Variants in MEI4 observed in about 807,000 individuals in gnomAD.
The protein encoded by MEI4 is meiotic double-stranded break formation protein 4, also known as meiosis-specific protein MEI4.
Under a neutral mutation model 31.4 loss-of-function variants are expected in MEI4, and 27 were observed. That is an observed-to-expected ratio of 0.86 (90% CI 0.63 to 1.19). The LOEUF (loss-of-function observed/expected upper bound fraction) is 1.19. Among genes scored for constraint, MEI4 ranks in the 50% most tolerant of loss-of-function variants. The pLI is 0.00. For synonymous variants in MEI4, 122 were observed against 145.4 expected (o/e 0.84, Z 1.16); for missense variants, 329 against 398.9 (o/e 0.82, Z 1.49).
chr6:77,663,408 G>A (rs1206303244), intron 1 of MEI4, among the ~76,000 whole-genome samples: 1 of 151,962 alleles, frequency 6.6e-6, no homozygotes, highest in African/African-American at 2.4e-5. Context: ...GTTAAGGTGG[G>A]GGGATACAAG....
intron 2 of MEI4, among the ~76,000 whole-genome samples, chr6:77,742,903 A>T (rs866894932): frequency 2.6e-4 from 40 of 152,044 alleles, no homozygotes; most frequent in Admixed American, 1.3e-4. Flanking sequence ...CTTGTTTTTC[A>T]CAGGTTTGTC....
intron 4 of MEI4, among the ~76,000 whole-genome samples, chr6:77,866,998 G>T (rs1204047823): frequency 6.6e-6 from 1 of 152,182 alleles, no homozygotes; most frequent in Non-Finnish European, 1.5e-5. Flanking sequence ...AATATATGAT[G>T]CTGGGAACAC....
At chr6:77,802,904 A>G (rs1428874976) in intron 3 of MEI4, among the ~76,000 whole-genome samples, 1 of 151,780 alleles carries the variant, frequency 6.6e-6, no homozygotes, top group Non-Finnish European at 1.5e-5. Flanking sequence ...TGCCCTTAAC[A>G]TTTTTTCCTT....
intron 1 of MEI4, among the ~76,000 whole-genome samples, chr6:77,656,830 C>G (rs1768406557): frequency 6.6e-6 from 1 of 150,642 alleles, no homozygotes; most frequent in South Asian, 2.1e-4. Flanking sequence ...ATCCATCATC[C>G]ATCATTTATT....
At position 77,785,697 on chromosome 6, in the gene MEI4, G is replaced by A. The variant is rs72898570; in HGVS notation, c.768+24032G>A. Among the ~76,000 whole-genome samples the A allele has an allele frequency of 3.0e-3, 459 of 152,218 alleles. 2 individuals carry two copies. The highest frequency in any genetic ancestry group is 6.8e-3 in the Middle Eastern group (2 of 294). Reference sequence around the variant, plus strand: ...GAGAGAAATTACTAGTATTTAATTCGGAAAGAGTGGAGATGAGTAGAGATT... The same window carrying A: ...GAGAGAAATTACTAGTATTTAATTCAGAAAGAGTGGAGATGAGTAGAGATT... On this transcript the variant is annotated intron_variant, in intron 3 of 4. Coordinates refer to ENST00000684080, the MANE Select transcript of MEI4 (RefSeq NM_001322247.2).
intron 1 of MEI4, among the ~76,000 whole-genome samples, chr6:77,656,101 A>C (rs1229076813): frequency 6.6e-6 from 1 of 152,082 alleles, no homozygotes; most frequent in African/African-American, 2.4e-5. Flanking sequence ...GATTGCTTTC[A>C]CCATGGCAGA....
intron 4 of MEI4, among the ~76,000 whole-genome samples, chr6:77,874,804 T>G (rs1383403193): frequency 6.6e-6 from 1 of 152,194 alleles, no homozygotes; most frequent in Non-Finnish European, 1.5e-5. Context: ...TGTTGAGAGT[T>G]TTTAGCATGA....
At chr6:77,730,394 C>T (rs1419968461) in intron 2 of MEI4, among the ~76,000 whole-genome samples, 1 of 152,026 alleles carries the variant, frequency 6.6e-6, no homozygotes, top group African/African-American at 2.4e-5. Context: ...CGCCTTCTCT[C>T]ATCCTGACAC....
rs185451751 is a variant in MEI4, at chr6:77,786,889, A to G, written c.768+25224A>G. On this transcript the variant is annotated intron_variant, in intron 3 of 4. Transcript: ENST00000684080. ...TTAACAAAGGAAGTAAAATAATTAA[A>G]TGGATAACTACATCATGTTGATGAA... 2.2e-4 allele frequency among the ~76,000 whole-genome samples: 33 copies of G among 152,334 alleles called. No homozygotes were observed. The East Asian group carries it at 6.4e-3, about 29-fold the overall frequency.
At chr6:77,736,826 A>C (rs544973101) in intron 2 of MEI4, among the ~76,000 whole-genome samples, 1 of 151,314 alleles carries the variant, frequency 6.6e-6, no homozygotes, top group Non-Finnish European at 1.5e-5. Flanking sequence ...TTCAGAGGAG[A>C]GAAAGTGATT....
Position 77,847,521 on chromosome 6 carries a change from CT to C in MEI4, c.900+18462del, listed in dbSNP as rs1316698210. 1.3e-5 allele frequency among the ~76,000 whole-genome samples: 2 copies of C among 152,022 alleles called. No homozygotes were observed. Among genetic ancestry groups the C allele is most frequent in the African/African-American group, 4.8e-5 (2 of 41,392 alleles). On this transcript the variant is annotated intron_variant, in intron 4 of 4. Coordinates refer to ENST00000684080, the MANE Select transcript of MEI4 (RefSeq NM_001322247.2). This position sits in a 1 kb window ranked among gnomAD's most constrained non-coding sequence, Gnocchi z 4.6. ...TATCAAATGCATTTCAATAATATAC[CT>C]TTACTGATTGTTTTTCTCTTGTTTC...
At chr6:77,699,384 G>A (rs1766150687) in intron 2 of MEI4, among the ~76,000 whole-genome samples, 1 of 151,400 alleles carries the variant, frequency 6.6e-6, no homozygotes, top group Non-Finnish European at 1.5e-5. Context: ...AGTAGAGATG[G>A]GGTTTCACCG....
intron 1 of MEI4, among the ~76,000 whole-genome samples, chr6:77,677,467 T>C (rs1198406796): frequency 5.3e-5 from 8 of 152,190 alleles, no homozygotes; most frequent in African/African-American, 1.7e-4. Flanking sequence ...TCTTGATATC[T>C]TTTCTTCCCT....
intron 4 of MEI4, among the ~76,000 whole-genome samples, chr6:77,856,199 G>C (rs77212104): frequency 1.3e-5 from 2 of 151,754 alleles, no homozygotes; most frequent in South Asian, 2.1e-4. Context: ...GAACCGGCCC[G>C]TCTGCCTTTT....
At chr6:77,775,127 A>G (rs1768407341) in intron 3 of MEI4, among the ~76,000 whole-genome samples, 3 of 136,300 alleles carry the variant, frequency 2.2e-5, no homozygotes, top group African/African-American at 1.0e-4. Context: ...CTCCTGGACA[A>G]TTCAGGATTA....
At chr6:77,803,719 G>T (rs990859951) in intron 3 of MEI4, among the ~76,000 whole-genome samples, 2 of 152,178 alleles carry the variant, frequency 1.3e-5, no homozygotes, top group African/African-American at 4.8e-5. Context: ...AGGTCTGTTG[G>T]AGTTTGCTGG....
At position 77,829,053 on chromosome 6, in the gene MEI4, CATCA is replaced by C. The variant is rs1770020139; in HGVS notation, c.896_899del (p.Asn299ArgfsTer37). On this transcript the variant is annotated frameshift_variant, in exon 4 of 5. Coordinates refer to ENST00000684080, the MANE Select transcript of MEI4 (RefSeq NM_001322247.2). LOFTEE classifies it high-confidence loss of function. ...ATGGCTTTGCTGATGATCTGGGAGC[CATCA>C]ATCAGGTACACATAACTTGAAACTG... 1 of 1,231,644 alleles carries C rather than the reference CATCA, an allele frequency of 8.1e-7. No homozygotes were observed. The allele number at this position is 1,231,644 out of a possible 1,614,324, so 76.3% of individuals were successfully genotyped here. A position where few individuals can be genotyped will look rare whatever the true frequency, so the allele number is the denominator to read the frequency against.
intron 2 of MEI4, among the ~76,000 whole-genome samples, chr6:77,730,505 T>C (rs977098910): frequency 6.6e-6 from 1 of 152,168 alleles, no homozygotes. Context: ...TTTCCTCTTA[T>C]CAGCTCCCAG....
At chr6:77,744,411 T>G (rs567961047) in intron 2 of MEI4, among the ~76,000 whole-genome samples, 1 of 150,192 alleles carries the variant, frequency 6.7e-6, no homozygotes, top group Admixed American at 6.6e-5. Context: ...ACAAGAGAAG[T>G]TTAGAGAAAA....
Sources: gnomAD v4.1 joint callset for allele counts (sites outside exome capture counted in the v4.1 genomes callset) on GRCh38, gnomAD v4.1.1 for gene constraint, Gnocchi (gnomAD v3.1) non-coding constraint, MANE v1.5 for transcripts, NCBI Gene and HGNC (gene_info 2026-07-23, HGNC 2026-07-21) for gene names.